The following FREM1 variants were observed in gnomAD, a reference collection of about 807,000 sequenced individuals.
FREM1 encodes the protein FRAS1-related extracellular matrix protein 1.
Under a neutral mutation model 210.1 loss-of-function variants are expected in FREM1, and 220 were observed. The observed-to-expected ratio is 1.05, with a 90% CI of 0.94 to 1.17. The LOEUF (loss-of-function observed/expected upper bound fraction) is 1.17, where lower values mean the gene tolerates loss of function less well. Among genes scored for constraint, FREM1 ranks in the 50% most tolerant of loss-of-function variants. The probability of loss-of-function intolerance (pLI) is 0.00; values close to 1 mark genes in which losing one functional copy is unlikely to be tolerated. For synonymous variants in FREM1, 1,189 were observed against 980.2 expected (o/e 1.21, Z -3.98); for missense variants, 3,454 against 2,675.5 (o/e 1.29, Z -6.42).
chr9:14,844,282 G>T (rs974421513), intron 8 of FREM1, among the ~76,000 whole-genome samples: 2 of 150,126 alleles, frequency 1.3e-5, no homozygotes, highest in Admixed American at 6.6e-5. Flanking sequence ...CTGGAGTGCA[G>T]TGGCGTGATC....
chr9:14,795,362 A>C (rs1194691183), intron 21 of FREM1, among the ~76,000 whole-genome samples: 1 of 152,228 alleles, frequency 6.6e-6, no homozygotes, highest in East Asian at 1.9e-4. Context: ...AACTGAGTCA[A>C]TCTGACTCCA....
intron 7 of FREM1, among the ~76,000 whole-genome samples, chr9:14,846,660 T>C (rs77578133): frequency 0.021 from 3,225 of 152,306 alleles, 130 homozygotes; most frequent in African/African-American, 0.074. Flanking sequence ...GAAACTGGAA[T>C]GTAGCTTTTA....
chr9:14,825,411 C>A (rs562710409), intron 10 of FREM1, among the ~76,000 whole-genome samples: 2 of 149,400 alleles, frequency 1.3e-5, no homozygotes, highest in East Asian at 3.9e-4. Context: ...TCACTTGAAT[C>A]CTGGAGGAGG....
chr9:14,892,190 C>T (rs1836937818), intron 1 of FREM1, among the ~76,000 whole-genome samples: 1 of 152,088 alleles, frequency 6.6e-6, no homozygotes, highest in African/African-American at 2.4e-5. Flanking sequence ...TGAAAAAACC[C>T]CCCGACCCAA....
chr9:14,743,397 C>T (rs960644891), intron 35 of FREM1, among the ~76,000 whole-genome samples: 5 of 151,752 alleles, frequency 3.3e-5, no homozygotes, highest in Admixed American at 6.6e-5. Context: ...ATGAGGGCAT[C>T]GACAATGTTA....
At chr9:14,815,710 T>C (rs12000875) in intron 15 of FREM1, among the ~76,000 whole-genome samples, 4,707 of 152,222 alleles carry the variant, frequency 0.031, 214 homozygotes, top group African/African-American at 0.1. Context: ...TGCAGTGGCA[T>C]GATCTCGGCT....
At chr9:14,857,362 T>G (rs896464782) in intron 5 of FREM1, among the ~76,000 whole-genome samples, 191 bp downstream of exon 5, 2 of 152,176 alleles carry the variant, frequency 1.3e-5, no homozygotes, top group African/African-American at 4.8e-5. Flanking sequence ...AGGGAAATTT[T>G]ATACAAAACC....
rs1053208251 is a variant in FREM1 at position 14,837,853 on chromosome 9, G to A, written c.1881+3594C>T. On this transcript the variant is annotated intron_variant, in intron 10 of 36. Transcript: ENST00000380880. Reference sequence around the variant, plus strand: ...ATGGATAAACATGCTGTAAACTTTGGCAACAGTCATGAAAGGATAGAGACA... The same window carrying A: ...ATGGATAAACATGCTGTAAACTTTGACAACAGTCATGAAAGGATAGAGACA... Among the ~76,000 whole-genome samples, 4 of 152,122 alleles carry A rather than the reference G, an allele frequency of 2.6e-5. No homozygotes were observed. The South Asian group carries it at 6.2e-4, about 24-fold the overall frequency.
At chr9:14,850,900 A>C (rs1827606218) in intron 6 of FREM1, among the ~76,000 whole-genome samples, 1 of 152,204 alleles carries the variant, frequency 6.6e-6, no homozygotes, top group Non-Finnish European at 1.5e-5. Flanking sequence ...GTTTCACTAC[A>C]AGTTTTAATT....
chr9:14,865,595 G>C (rs997761830), intron 2 of FREM1, among the ~76,000 whole-genome samples: 4 of 151,912 alleles, frequency 2.6e-5, no homozygotes, highest in African/African-American at 9.7e-5. Context: ...CGTCTTGCTA[G>C]AAATGGGTTC....
chr9:14,791,437 T>G (rs956087889), intron 22 of FREM1, among the ~76,000 whole-genome samples: 4 of 152,222 alleles, frequency 2.6e-5, no homozygotes, highest in African/African-American at 7.2e-5. Flanking sequence ...TACGGTGTCA[T>G]GCAGTTCATG....
chr9:14,814,229 G>A (rs529483408), intron 15 of FREM1, among the ~76,000 whole-genome samples: 6 of 152,146 alleles, frequency 3.9e-5, no homozygotes, highest in South Asian at 4.2e-4. Context: ...TCCTATTTAC[G>A]TATAGAACCA....
At chr9:14,892,505 AG>A (rs1218655087) in intron 1 of FREM1, among the ~76,000 whole-genome samples, 7 of 152,138 alleles carry the variant, frequency 4.6e-5, no homozygotes, top group African/African-American at 1.7e-4. Flanking sequence ...CCTAAGATTT[AG>A]GGGGTTAGAG....
chr9:14,902,603 G>A (rs1326470143), intron 1 of FREM1, among the ~76,000 whole-genome samples: 1 of 152,042 alleles, frequency 6.6e-6, no homozygotes, highest in African/African-American at 2.4e-5. Flanking sequence ...ATGCTAAATG[G>A]TACACCCAGT....
chr9:14,909,610 G>A (rs572571570), intron 1 of FREM1, among the ~76,000 whole-genome samples: 1 of 152,178 alleles, frequency 6.6e-6, no homozygotes, highest in African/African-American at 2.4e-5. Context: ...TAATTTCAGA[G>A]GAAACAATTA....
chr9:14,737,644 T>C lies in FREM1; in HGVS notation c.6341-49A>G, dbSNP rs1459390528. 7 of 1,352,524 alleles carry C rather than the reference T, an allele frequency of 5.2e-6. No homozygotes were observed. In the Admixed American group the frequency reaches 1.5e-4, roughly 28 times the overall value. The allele number at this position is 1,352,524 out of a possible 1,614,324, so 83.8% of individuals were successfully genotyped here. The stretch of plus-strand genomic sequence containing the variant: ...CCAATTACTTTTATTGCGTTTATAC[T>C]TAGATATCATATCCAGCTGTTGCTC... On this transcript the variant is annotated intron_variant, in intron 36 of 36. Transcript: ENST00000380880.
chr9:14,825,548 T>TGTGTGTATATATAC (rs1554685284), intron 10 of FREM1, among the ~76,000 whole-genome samples: 1 of 43,320 alleles, frequency 2.3e-5, no homozygotes, highest in African/African-American at 7.2e-5. Context: ...TGTGTGTGTG[T>TGTGTGTATATATAC]ATATATATAT....
intron 8 of FREM1, among the ~76,000 whole-genome samples, chr9:14,845,117 T>C (rs1404078358): frequency 6.6e-6 from 1 of 152,194 alleles, no homozygotes; most frequent in East Asian, 1.9e-4. Context: ...TTGAATTAAA[T>C]CCTCTGAGTT....
intron 2 of FREM1, among the ~76,000 whole-genome samples, chr9:14,867,318 C>T (rs1831708732): frequency 6.6e-6 from 1 of 152,154 alleles, no homozygotes. Flanking sequence ...CCAATCAAAA[C>T]ACATTCAGAA....
Sources: allele counts gnomAD v4.1 joint callset (sites outside exome capture counted in the v4.1 genomes callset), GRCh38; gene constraint gnomAD v4.1.1; transcripts MANE v1.5; gene names NCBI Gene and HGNC (gene_info 2026-07-23, HGNC 2026-07-21).